C12orf42: variants seen among roughly 807,000 people sequenced by gnomAD.
The protein encoded by C12orf42 is chromosome 12 open reading frame 42, also known as uncharacterized protein C12orf42.
In C12orf42, 25 loss-of-function variants were observed where a neutral mutation model predicts 21.6. The ratio of observed to expected loss-of-function variants is 1.16; its 90% CI spans 0.84 to 1.62. The LOEUF is 1.62. C12orf42 is among the 40% of genes most tolerant of loss of function. The pLI, the probability that C12orf42 is intolerant of heterozygous loss-of-function variation, is 0.00. For missense variants in C12orf42, 483 were observed against 459.3 expected, an observed-to-expected ratio of 1.05 and a Z score of -0.47; for synonymous variants, 174 against 175.0, an observed-to-expected ratio of 0.99 and a Z score of 0.05.
chr12:103,411,311 G>A (rs1374818015), intron 2 of C12orf42, among the ~76,000 whole-genome samples: 1 of 152,056 alleles, frequency 6.6e-6, no homozygotes, highest in Non-Finnish European at 1.5e-5. Context: ...AATCAAAAGG[G>A]AACTTACTGT....
At chr12:103,110,130 G>A in the C12orf42 span, among the ~76,000 whole-genome samples, 1 of 152,194 alleles carries the variant, frequency 6.6e-6, no homozygotes, top group Non-Finnish European at 1.5e-5. Context: ...ACAGTCTGCT[G>A]CAACCTCTTT....
chr12:103,287,464 C>T (rs903429013), intron 4 of C12orf42, among the ~76,000 whole-genome samples: 41 of 151,376 alleles, frequency 2.7e-4, no homozygotes, highest in African/African-American at 9.7e-4. Context: ...ACAAAAAAAC[C>T]AAACACCGCA....
At chr12:103,311,013 T>C (rs2038922333) in intron 4 of C12orf42, among the ~76,000 whole-genome samples, 1 of 152,148 alleles carries the variant, frequency 6.6e-6, no homozygotes, top group South Asian at 2.1e-4. Context: ...CCAGGAGTTA[T>C]GGGTTGAAAG....
chr12:103,142,257 C>A, the C12orf42 span, among the ~76,000 whole-genome samples: 2 of 152,074 alleles, frequency 1.3e-5, no homozygotes, highest in South Asian at 4.1e-4. Flanking sequence ...AAAAATTTTG[C>A]CCAAAGTAGA....
chr12:103,455,592 T>A (rs1415448964), intron 2 of C12orf42, among the ~76,000 whole-genome samples: 1 of 152,130 alleles, frequency 6.6e-6, no homozygotes, highest in Non-Finnish European at 1.5e-5. Flanking sequence ...AGAAGTCTTA[T>A]CACTGTACCA....
At chr12:103,395,528 G>A (rs1476726381) in intron 3 of C12orf42, among the ~76,000 whole-genome samples, 1 of 152,012 alleles carries the variant, frequency 6.6e-6, no homozygotes, top group Non-Finnish European at 1.5e-5. Flanking sequence ...GTAGAGACTT[G>A]GTTTCACTGT....
chr12:103,111,882 T>G, the C12orf42 span, among the ~76,000 whole-genome samples: 1 of 152,204 alleles, frequency 6.6e-6, no homozygotes, highest in African/African-American at 2.4e-5. Context: ...TTTCTAATTG[T>G]TCTGAGGTAA....
chr12:103,191,570 A>AAAAAAAAAC, the C12orf42 span, among the ~76,000 whole-genome samples: 58 of 129,118 alleles, frequency 4.5e-4, 1 homozygote, highest in African/African-American at 1.7e-3. Context: ...AAAAAAAAAA[A>AAAAAAAAAC]AAAATACAAA....
chr12:103,314,756 T>G lies in C12orf42; in HGVS notation c.260-8411A>C, dbSNP rs181059624. On this transcript the variant is annotated intron_variant, in intron 4 of 5. Transcript: ENST00000548883. ...GCCGAGGGAAGGGAATCTTTCCCAC[T>G]CCAGCCCCCTTTAGCCTTCTTGTCT... Among the ~76,000 whole-genome samples, 381 of 152,262 alleles carry G rather than the reference T, an allele frequency of 2.5e-3. 4 individuals carry two copies. Among genetic ancestry groups the G allele is most frequent in the African/African-American group, 8.7e-3 (363 of 41,544 alleles).
chr12:103,094,292 C>G, the C12orf42 span, among the ~76,000 whole-genome samples: 1 of 152,128 alleles, frequency 6.6e-6, no homozygotes, highest in Non-Finnish European at 1.5e-5. Context: ...GTGGTCTTCC[C>G]TTTCATATTG....
At chr12:103,267,288 G>A (rs2136242242), downstream of C12orf42, among the ~76,000 whole-genome samples, 1 of 152,220 alleles carries the variant, frequency 6.6e-6, no homozygotes, top group East Asian at 1.9e-4. Context: ...TCAAGTTGCT[G>A]AGGGTCTAAT....
At chr12:103,068,234 T>C in the C12orf42 span, among the ~76,000 whole-genome samples, 3 of 152,214 alleles carry the variant, frequency 2.0e-5, no homozygotes, top group African/African-American at 7.2e-5. Context: ...TATACACTTG[T>C]ACTAAGAAAA....
chr12:103,246,559 A>G (rs1410326542), intron 10 of C12orf42, among the ~76,000 whole-genome samples: 1 of 152,072 alleles, frequency 6.6e-6, no homozygotes, highest in African/African-American at 2.4e-5. Context: ...CTGTTTGCCG[A>G]CAGTGTGGAT....
intron 4 of C12orf42, among the ~76,000 whole-genome samples, chr12:103,347,883 G>C (rs1046885882): frequency 6.6e-6 from 1 of 151,770 alleles, no homozygotes; most frequent in Non-Finnish European, 1.5e-5. Context: ...AAGACAACTG[G>C]GTATAATATC....
At chr12:103,449,128 T>C (rs34518374) in intron 2 of C12orf42, among the ~76,000 whole-genome samples, 23,949 of 148,664 alleles carry the variant, frequency 0.16, 2,755 homozygotes, top group African/African-American at 0.31. Context: ...GATAGATAGA[T>C]AGACAGACAC....
chr12:103,185,895 C>T, the C12orf42 span, among the ~76,000 whole-genome samples: 210 of 152,232 alleles, frequency 1.4e-3, no homozygotes, highest in South Asian at 0.018. Context: ...TCGGGTATGT[C>T]TTTATCAGCA....
At chr12:103,252,097 T>C (rs917271469) in intron 10 of C12orf42, among the ~76,000 whole-genome samples, 1 of 152,184 alleles carries the variant, frequency 6.6e-6, no homozygotes, top group African/African-American at 2.4e-5. Flanking sequence ...ATAAGGTATT[T>C]GTCCTAATGC....
the C12orf42 span, among the ~76,000 whole-genome samples, chr12:103,530,632 G>A: frequency 6.6e-6 from 1 of 152,202 alleles, no homozygotes; most frequent in African/African-American, 2.4e-5. Context: ...TGTTCGGGGG[G>A]GGAAAACCCA....
At chr12:103,549,447 A>T in the C12orf42 span, 1 of 152,330 alleles carries the variant, frequency 6.6e-6, no homozygotes, top group East Asian at 1.9e-4. Flanking sequence ...CCAGCTTTAC[A>T]TGCACTTGTT....
Sources: allele counts gnomAD v4.1 joint callset (sites outside exome capture counted in the v4.1 genomes callset), GRCh38; gene constraint gnomAD v4.1.1; transcripts MANE v1.5; gene names NCBI Gene and HGNC (gene_info 2026-07-23, HGNC 2026-07-21).